The following AKAP6 variants were observed in gnomAD, a reference collection of about 807,000 sequenced individuals.
AKAP6 encodes the protein A-kinase anchor protein 6.
In AKAP6, 58 loss-of-function variants were observed where a neutral mutation model predicts 188.5. That is an observed-to-expected ratio of 0.31 (90% CI 0.25 to 0.38). AKAP6 has a LOEUF of 0.38. Among genes scored for constraint, AKAP6 ranks in the 10% least tolerant of loss-of-function variants. The pLI, the probability that AKAP6 is intolerant of heterozygous loss-of-function variation, is 1.00. For synonymous variants in AKAP6, 989 were observed against 998.6 expected (o/e 0.99, Z 0.18); for missense variants, 2,710 against 2,740.0 (o/e 0.99, Z 0.24).
At chr14:32,559,543 G>A (rs535060914) in intron 4 of AKAP6, among the ~76,000 whole-genome samples, 3 of 152,216 alleles carry the variant, frequency 2.0e-5, no homozygotes, top group East Asian at 3.9e-4. Flanking sequence ...AAAATGTTTG[G>A]CCCAGAGAGT....
At chr14:32,732,888 T>G in intron 10 of AKAP6, 1 of 585,122 alleles carries the variant, frequency 1.7e-6, no homozygotes, top group Non-Finnish European at 3.0e-6. Flanking sequence ...CCAAGTCAAC[T>G]ATAATACAGT....
At chr14:32,694,465 A>G (rs1273940152) in intron 8 of AKAP6, among the ~76,000 whole-genome samples, 3 of 152,156 alleles carry the variant, frequency 2.0e-5, no homozygotes, top group Admixed American at 2.0e-4. Context: ...TACTGAATCA[A>G]TATCTTCATA....
At chr14:32,613,837 C>T (rs922764867) in intron 7 of AKAP6, among the ~76,000 whole-genome samples, 2 of 152,160 alleles carry the variant, frequency 1.3e-5, no homozygotes, top group Non-Finnish European at 2.9e-5. Context: ...TTTCTGGGCA[C>T]CACTACCCAG....
intron 11 of AKAP6, among the ~76,000 whole-genome samples, chr14:32,741,945 T>G (rs1445158900): frequency 6.6e-6 from 1 of 151,274 alleles, no homozygotes; most frequent in Non-Finnish European, 1.5e-5. Context: ...TTTAGTAGGA[T>G]TGGTATTAGT....
chr14:32,331,870 A>G (rs546625468), intron 1 of AKAP6, among the ~76,000 whole-genome samples: 159 of 152,262 alleles, frequency 1.0e-3, no homozygotes, highest in Non-Finnish European at 2.0e-3. Flanking sequence ...AATGTCCTCT[A>G]TACTTTTGGT....
intron 2 of AKAP6, among the ~76,000 whole-genome samples, chr14:32,475,485 T>G (rs1402150508): frequency 6.6e-6 from 1 of 152,186 alleles, no homozygotes; most frequent in Admixed American, 6.5e-5. Context: ...CTTGAAGGAC[T>G]GATGGCAGGT....
rs184706109 is a variant in AKAP6, at chr14:32,576,610, G to A, written c.2347-510G>A. Among the ~76,000 whole-genome samples, 25 of 152,218 alleles carry A rather than the reference G, an allele frequency of 1.6e-4. No individual in the cohort carries two copies. The East Asian group carries it at 4.6e-3, about 28-fold the overall frequency. On this transcript the variant is annotated intron_variant, in intron 4 of 13. Coordinates refer to ENST00000280979, the MANE Select transcript of AKAP6 (RefSeq NM_004274.5). ...TGGGCTGTGGACAGAACTCGTCCAAGGACCTGTAAATACTTATGTAATTTT... is the reference window on the plus strand; with the variant it reads ...TGGGCTGTGGACAGAACTCGTCCAAAGACCTGTAAATACTTATGTAATTTT...
intron 1 of AKAP6, among the ~76,000 whole-genome samples, chr14:32,406,489 T>G (rs1334341893): frequency 6.6e-6 from 1 of 152,142 alleles, no homozygotes; most frequent in Admixed American, 6.5e-5. Context: ...ATTACAGACA[T>G]GAGCCACTGG....
At chr14:32,811,121 C>T (rs939766510) in intron 12 of AKAP6, among the ~76,000 whole-genome samples, 9 of 151,690 alleles carry the variant, frequency 5.9e-5, no homozygotes, top group Admixed American at 2.0e-4. Flanking sequence ...CGCCTGTTGT[C>T]CCAGCTACTG....
chr14:32,341,656 AATG>A (rs1238991549), intron 1 of AKAP6, among the ~76,000 whole-genome samples: 1 of 152,114 alleles, frequency 6.6e-6, no homozygotes, highest in Non-Finnish European at 1.5e-5. Context: ...GTAAAATAAA[AATG>A]ATAATGCCTG....
rs2034801935 is a variant in AKAP6, at chr14:32,830,613, AAGG to A, written c.*813_*815del. ...TCACGGTAAAATTATGTTGGTTTGA[AAGG>A]AGGAAATAGCAAGGTTAAGATGTGT... On this transcript the variant is annotated 3_prime_UTR_variant, in exon 14 of 14. Transcript: ENST00000280979. The A allele has an allele frequency of 6.6e-6, 1 of 152,632 alleles. No individual in the cohort carries two copies. Among genetic ancestry groups the A allele is most frequent in the Admixed American group, 6.5e-5 (1 of 15,278 alleles). The allele number at this position is 152,632 out of a possible 1,614,324, so 9.5% of individuals were successfully genotyped here.
chr14:32,533,173 G>A lies in AKAP6; in HGVS notation c.325-2381G>A, dbSNP rs529892019. On this transcript the variant is annotated intron_variant, in intron 2 of 13. Coordinates refer to ENST00000280979, the MANE Select transcript of AKAP6 (RefSeq NM_004274.5). ...CAATACTGACATTACCAAAGATAAC[G>A]CCATGCTTGGTATAGAGAGAGTGAA... Among the ~76,000 whole-genome samples the A allele has an allele frequency of 4.6e-5, 7 of 152,258 alleles. No homozygotes were observed. In the East Asian group the frequency reaches 5.8e-4, roughly 13 times the overall value.
At chr14:32,490,166 A>G (rs1431094813) in intron 2 of AKAP6, among the ~76,000 whole-genome samples, 3 of 150,338 alleles carry the variant, frequency 2.0e-5, no homozygotes, top group Non-Finnish European at 4.4e-5. Context: ...ACAAATCACA[A>G]TGGTGGAATG....
At chr14:32,559,780 A>G (rs1883867125) in intron 4 of AKAP6, among the ~76,000 whole-genome samples, 1 of 139,906 alleles carries the variant, frequency 7.1e-6, no homozygotes, top group African/African-American at 3.0e-5. Context: ...CTCTAAGCCT[A>G]ATCTTTTTTT....
chr14:32,821,688 A>C lies in AKAP6; in HGVS notation c.3875A>C (p.His1292Pro). 1.2e-6 allele frequency: 2 copies of C among 1,613,806 alleles called. No individual in the cohort carries two copies. The highest frequency in any genetic ancestry group is 1.7e-6 in the Non-Finnish European group (2 of 1,179,908). Reference sequence around the variant, plus strand: ...CACATTTACCAGGTGTACAGCCTCCACAATGTTGAACTCTATGAGGACAAC... The same window carrying C: ...CACATTTACCAGGTGTACAGCCTCCCCAATGTTGAACTCTATGAGGACAAC... ...SPHIYQVYSL[H>P]NVELYEDNHM... Residue 1292 changes from histidine to proline, a missense_variant, in exon 13 of 14, where the codon CAC (histidine) becomes CCC (proline). Around this residue, in one of 2 missense-constraint regions of AKAP6, gnomAD observed 2,473 missense variants for 2,426.1 expected, o/e 1.02. Transcript: ENST00000280979.
intron 4 of AKAP6, among the ~76,000 whole-genome samples, chr14:32,550,369 C>G (rs991578946): frequency 2.0e-5 from 3 of 152,154 alleles, no homozygotes; most frequent in African/African-American, 7.2e-5. Context: ...TGAAAAATCC[C>G]ATACTGGAGT....
chr14:32,622,047 T>C (rs1270223402), intron 7 of AKAP6, among the ~76,000 whole-genome samples: 2 of 152,158 alleles, frequency 1.3e-5, no homozygotes, highest in Non-Finnish European at 2.9e-5. Flanking sequence ...TTTTGTAAGA[T>C]TATCATTCCT....
intron 3 of AKAP6, among the ~76,000 whole-genome samples, chr14:32,540,051 G>T (rs1253210686): frequency 2.0e-5 from 3 of 148,034 alleles, no homozygotes; most frequent in Non-Finnish European, 4.5e-5. Context: ...CTAGGCTTCA[G>T]TTAATTATGG....
chr14:32,436,536 C>G (rs1327436574), intron 2 of AKAP6, among the ~76,000 whole-genome samples: 1 of 152,210 alleles, frequency 6.6e-6, no homozygotes, highest in African/African-American at 2.4e-5. Context: ...CCTAGTCAAG[C>G]CACATCACTG....
Sources: allele counts gnomAD v4.1 joint callset (sites outside exome capture counted in the v4.1 genomes callset), GRCh38; gene constraint gnomAD v4.1.1; regional missense constraint gnomAD v4.1.1; transcripts MANE v1.5; gene names NCBI Gene and HGNC (gene_info 2026-07-23, HGNC 2026-07-21).